PTPRD: variants seen among roughly 807,000 people sequenced by gnomAD.
PTPRD encodes the protein receptor-type tyrosine-protein phosphatase delta.
Under a neutral mutation model 214.5 loss-of-function variants are expected in PTPRD, and 34 were observed. That is an observed-to-expected ratio of 0.16 (90% CI 0.12 to 0.21). The LOEUF is 0.21. Ranked by LOEUF, PTPRD falls within the 10% of genes least tolerant of loss-of-function variation. The pLI, the probability that PTPRD is intolerant of heterozygous loss-of-function variation, is 1.00. For synonymous variants in PTPRD, 1,128 were observed against 845.7 expected, an observed-to-expected ratio of 1.33 and a Z score of -5.79; for missense variants, 2,545 against 2,398.7, an observed-to-expected ratio of 1.06 and a Z score of -1.27.
At position 9,696,504 on chromosome 9, in the gene PTPRD, T is replaced by G. The variant is rs140660984; in HGVS notation, c.-287+38029A>C. Among the ~76,000 whole-genome samples, 868 of 152,286 alleles carry G rather than the reference T, an allele frequency of 5.7e-3. 4 individuals are homozygous for G. The highest frequency in any genetic ancestry group is 9.6e-3 in the Non-Finnish European group (656 of 67,996). On this transcript the variant is annotated intron_variant, in intron 7 of 45. Transcript: ENST00000381196. ...GCTCCTGTTTTGTGTGCATAGATAT[T>G]TGTAATTGTTATATCCTTTCATGGG... is the stretch of plus-strand genomic sequence containing the variant.
At chr9:8,399,395 G>C (rs994552843) in intron 36 of PTPRD, among the ~76,000 whole-genome samples, 7 of 152,084 alleles carry the variant, frequency 4.6e-5, no homozygotes, top group Admixed American at 6.6e-5. Context: ...GGGTTTAAAT[G>C]TTCGTGAAAT....
intron 8 of PTPRD, among the ~76,000 whole-genome samples, chr9:9,532,241 T>C (rs1382641330): frequency 6.6e-6 from 1 of 152,084 alleles, no homozygotes; most frequent in Non-Finnish European, 1.5e-5. Context: ...GTCTGTGTGG[T>C]GGATAAAATC....
intron 9 of PTPRD, among the ~76,000 whole-genome samples, chr9:9,323,085 C>G (rs1200417384): frequency 2.0e-5 from 3 of 151,920 alleles, no homozygotes; most frequent in Admixed American, 6.6e-5. Flanking sequence ...TTTGAATACC[C>G]TAGGGCACTT....
chr9:9,914,897 CT>C (rs1482204650), intron 5 of PTPRD, among the ~76,000 whole-genome samples: 3 of 152,296 alleles, frequency 2.0e-5, no homozygotes, highest in East Asian at 1.9e-4. Flanking sequence ...GGAAGACATG[CT>C]TCCAGGCTGG....
intron 8 of PTPRD, among the ~76,000 whole-genome samples, chr9:9,432,939 T>G (rs1588282190): frequency 1.3e-5 from 2 of 152,268 alleles, no homozygotes; most frequent in East Asian, 3.9e-4. Context: ...CTTTCAAATA[T>G]TCACTAAGAG....
intron 3 of PTPRD, among the ~76,000 whole-genome samples, chr9:10,080,763 T>C (rs2098223715): frequency 1.3e-5 from 2 of 152,144 alleles, no homozygotes; most frequent in Non-Finnish European, 1.5e-5. Flanking sequence ...CAAAGAGAAG[T>C]GATAAAATAC....
chr9:10,229,591 C>G (rs1317570611), intron 3 of PTPRD, among the ~76,000 whole-genome samples: 3 of 151,816 alleles, frequency 2.0e-5, no homozygotes, highest in African/African-American at 4.8e-5. Flanking sequence ...TCTCAGCACA[C>G]TATCACAAGG....
chr9:8,674,319 G>A lies in PTPRD; in HGVS notation c.65-37475C>T, dbSNP rs13285089. ...CTAAAAACACAAAAATTAGCTGGGC[G>A]TGGTGGCACACGCCTGTAGTCCCAG... On this transcript the variant is annotated intron_variant, in intron 12 of 45. Transcript: ENST00000381196. 4.7e-3 allele frequency among the ~76,000 whole-genome samples: 715 copies of A among 152,016 alleles called. 6 individuals are homozygous for A. The highest frequency in any genetic ancestry group is 5.0e-3 in the Non-Finnish European group (341 of 67,954).
chr9:9,192,627 G>C (rs2099935934), intron 9 of PTPRD, among the ~76,000 whole-genome samples: 2 of 152,144 alleles, frequency 1.3e-5, no homozygotes, highest in African/African-American at 2.4e-5. Context: ...AACAAATAGA[G>C]AGTCCATTAA....
chr9:9,401,068 T>C (rs1232234725), intron 8 of PTPRD, among the ~76,000 whole-genome samples: 2 of 152,042 alleles, frequency 1.3e-5, no homozygotes, highest in Admixed American at 6.6e-5. Flanking sequence ...CTTCTCTGTA[T>C]ATCTGTACTA....
rs146037795 is a variant in PTPRD, at chr9:9,202,048, G to C, written c.-202-18685C>G. Among the ~76,000 whole-genome samples, 1,152 of 152,284 alleles carry C rather than the reference G, an allele frequency of 7.6e-3. 57 individuals carry two copies. The highest frequency in any genetic ancestry group is 0.069 in the Admixed American group (1,048 of 15,278). The stretch of plus-strand genomic sequence containing the variant: ...GTGCAAGAAGTGCTTGTTTCAACCG[G>C]AAGATAAGAAAAGCCTTGATGGAAA... On this transcript the variant is annotated intron_variant, in intron 9 of 45. Coordinates refer to ENST00000381196, the MANE Select transcript of PTPRD (RefSeq NM_002839.4).
intron 3 of PTPRD, among the ~76,000 whole-genome samples, chr9:10,053,561 C>G (rs2097571024): frequency 6.6e-6 from 1 of 151,990 alleles, no homozygotes; most frequent in Admixed American, 6.6e-5. Context: ...ATAATGAATC[C>G]CATCAAGAAA....
At chr9:8,900,329 T>G (rs7875745) in intron 11 of PTPRD, among the ~76,000 whole-genome samples, 4,253 of 152,242 alleles carry the variant, frequency 0.028, 204 homozygotes, top group African/African-American at 0.097. Flanking sequence ...GATATTGACA[T>G]TTAAAGAACA....
At chr9:10,605,779 T>C (rs2079146810) in intron 2 of PTPRD, among the ~76,000 whole-genome samples, 1 of 151,802 alleles carries the variant, frequency 6.6e-6, no homozygotes, top group Non-Finnish European at 1.5e-5. Context: ...ATGGTCACAA[T>C]TGGGTAGTTT....
intron 8 of PTPRD, among the ~76,000 whole-genome samples, chr9:9,428,953 A>G (rs1047643067): frequency 6.6e-6 from 1 of 152,240 alleles, no homozygotes; most frequent in Admixed American, 6.5e-5. Context: ...AGAAAGCAGG[A>G]AAGATCTAAA....
At position 9,106,612 on chromosome 9, in the gene PTPRD, C is replaced by CAAA. The variant is rs5896301; in HGVS notation, c.-143+76689_-143+76691dup. 1.8e-3 allele frequency among the ~76,000 whole-genome samples: 131 copies of CAAA among 71,572 alleles called. 2 individuals are homozygous for CAAA. Among genetic ancestry groups the CAAA allele is most frequent in the African/African-American group, 3.3e-3 (61 of 18,708 alleles). The allele number at this position is 71,572 out of a possible 152,430, so 47.0% of individuals were successfully genotyped here. A position where few individuals can be genotyped will look rare whatever the true frequency, so the allele number is the denominator to read the frequency against. ...TTGCTGTTAACCTATATTCCATAGG[C>CAAA]AAAAAAAAAAAAAAAAAAAAAAAGG... On this transcript the variant is annotated intron_variant, in intron 10 of 45. Transcript: ENST00000381196.
chr9:9,743,909 G>T (rs1240336583), intron 6 of PTPRD, among the ~76,000 whole-genome samples: 2 of 151,976 alleles, frequency 1.3e-5, no homozygotes, highest in Non-Finnish European at 2.9e-5. Flanking sequence ...TCTATACATT[G>T]TAGCCTCTCT....
intron 5 of PTPRD, among the ~76,000 whole-genome samples, chr9:9,904,357 G>A (rs563462574): frequency 1.3e-4 from 19 of 151,992 alleles, no homozygotes; most frequent in Non-Finnish European, 2.5e-4. Context: ...ACAAAAAAAC[G>A]CTTGTGATTA....
intron 3 of PTPRD, among the ~76,000 whole-genome samples, chr9:10,165,058 A>G (rs73396370): frequency 0.038 from 5,767 of 151,706 alleles, 121 homozygotes; most frequent in Middle Eastern, 0.075. Context: ...AAGATGTAGG[A>G]AATACCTCAG....
Sources: gnomAD v4.1 joint callset for allele counts (sites outside exome capture counted in the v4.1 genomes callset) on GRCh38, gnomAD v4.1.1 for gene constraint, MANE v1.5 for transcripts, NCBI Gene and HGNC (gene_info 2026-07-23, HGNC 2026-07-21) for gene names.